IRGQ: variants seen among roughly 807,000 people sequenced by gnomAD.
IRGQ encodes the protein immunity related GTPase Q.
IRGQ carries 5 observed loss-of-function variants against 10.5 expected under a neutral mutation model. The ratio of observed to expected loss-of-function variants is 0.48; its 90% CI spans 0.25 to 1.00. The LOEUF is 1.00. IRGQ is among the 50% of genes least tolerant of loss of function. The probability of loss-of-function intolerance (pLI) is 0.16; values close to 1 mark genes in which losing one functional copy is unlikely to be tolerated. For synonymous variants in IRGQ, 418 were observed against 426.0 expected (o/e 0.98, Z 0.23); for missense variants, 792 against 877.7 (o/e 0.90, Z 1.23).
rs1237159516 is a variant in IRGQ, at chr19:43,589,987, T to G, written c.*2039A>C. 1 of 152,262 alleles carries G rather than the reference T, an allele frequency of 6.6e-6. No individual in the cohort carries two copies. Among genetic ancestry groups the G allele is most frequent in the Non-Finnish European group, 1.5e-5 (1 of 68,136 alleles). The allele number at this position is 152,262 out of a possible 1,614,324, so 9.4% of individuals were successfully genotyped here. On this transcript the variant is annotated 3_prime_UTR_variant, in exon 3 of 3. Coordinates refer to ENST00000422989, the MANE Select transcript of IRGQ (RefSeq NM_001007561.3). Reference sequence around the variant, plus strand: ...GGCATCAGAAAGAGTCAGGCGGCCATGATGGCTCACACCTGTAATCCCAGC... The same window carrying G: ...GGCATCAGAAAGAGTCAGGCGGCCAGGATGGCTCACACCTGTAATCCCAGC...
In IRGQ at chr19:43,594,994, G is replaced by C. The variant is rs1973114512; in HGVS notation, c.345C>G (p.Asn115Lys). 6.2e-7 allele frequency: 1 copy of C among 1,613,708 alleles called. No individual in the cohort carries two copies. Among genetic ancestry groups the C allele is most frequent in the Admixed American group, 1.7e-5 (1 of 60,010 alleles). Residue 115 changes from asparagine (N) to lysine (K), a missense_variant, in exon 2 of 3, where the codon AAC becomes AAG. Coordinates refer to ENST00000422989, the MANE Select transcript of IRGQ (RefSeq NM_001007561.3). ...ARGTPLLAVR[N>K]LRPGDSQTAA... Reference sequence around the variant, plus strand: ...CAGTCTGTGAATCCCCAGGACGGAGGTTCCGCACAGCCAGTAGCGGGGTCC... The same window carrying C: ...CAGTCTGTGAATCCCCAGGACGGAGCTTCCGCACAGCCAGTAGCGGGGTCC...
At chr19:43,594,604 C>T (rs1196235089) in intron 2 of IRGQ, among the ~76,000 whole-genome samples, 3 of 152,072 alleles carry the variant, frequency 2.0e-5, no homozygotes, top group South Asian at 4.2e-4. Flanking sequence ...GAGGCTGAGG[C>T]GGGAGTATTG....
In IRGQ at chr19:43,591,323, C is replaced by A; in HGVS notation, c.*703G>T. ...TCTGAAGCCCAAGAGTTCCAGCTCC[C>A]TGGGGCGCTCAGGTCTCCCTCCCCT... On this transcript the variant is annotated 3_prime_UTR_variant, in exon 3 of 3. Coordinates refer to ENST00000422989, the MANE Select transcript of IRGQ (RefSeq NM_001007561.3). 6.6e-6 allele frequency: 1 copy of A among 152,372 alleles called. No homozygotes were observed. The highest frequency in any genetic ancestry group is 1.5e-5 in the Non-Finnish European group (1 of 68,074). 9.4% of individuals were successfully genotyped at this position (152,372 alleles called of 1,614,324 possible).
In IRGQ at chr19:43,592,323, CG is replaced by C; in HGVS notation, c.1574del (p.Thr525ArgfsTer27). 6.4e-7 allele frequency: 1 copy of C among 1,570,978 alleles called. No individual in the cohort carries two copies. Among genetic ancestry groups the C allele is most frequent in the Non-Finnish European group, 8.6e-7 (1 of 1,166,756 alleles). On this transcript the variant is annotated frameshift_variant, in exon 3 of 3. Transcript: ENST00000422989. LOFTEE classifies it high-confidence loss of function. ...EWRRGLGLEPTALARRERALG... is the reference protein window; with the variant it reads ...EWRRGLGLEPXALARRERALG... ...GGGCACGCTCACGTCGAGCCAGTGC[CG>C]TGGGTTCCAGCCCCAGGCCCCGTCG... is the stretch of plus-strand genomic sequence containing the variant.
rs1254760170 is a variant in IRGQ at position 43,587,997 on chromosome 19, TG to T, written c.*4028del. 6.6e-6 allele frequency: 1 copy of T among 152,204 alleles called. No homozygotes were observed. The highest frequency in any genetic ancestry group is 2.4e-5 in the African/African-American group (1 of 41,444). 9.4% of individuals were successfully genotyped at this position (152,204 alleles called of 1,614,324 possible). On this transcript the variant is annotated 3_prime_UTR_variant, in exon 3 of 3. Coordinates refer to ENST00000422989, the MANE Select transcript of IRGQ (RefSeq NM_001007561.3). The stretch of plus-strand genomic sequence containing the variant: ...AAAACATGTTAAAATGAATTTAACC[TG>T]TTTCCTTTTACTTGTCTAATGTGGC...
Position 43,592,901 on chromosome 19 carries a change from C to T in IRGQ, c.997G>A (p.Gly333Ser), listed in dbSNP as rs1232942419. 2 of 1,613,034 alleles carry T rather than the reference C, an allele frequency of 1.2e-6. No individual in the cohort carries two copies. The highest frequency in any genetic ancestry group is 1.7e-6 in the Non-Finnish European group (2 of 1,180,024). ...DAPLVCVRTD[G>S]EGEDPECLGE... The stretch of plus-strand genomic sequence containing the variant: ...AGACACTCCGGATCCTCGCCCTCGC[C>T]GTCTGTGCGCACGCAGACAAGAGGC... Residue 333 changes from glycine to serine, a missense_variant, in exon 3 of 3, where the codon GGC becomes AGC. Transcript: ENST00000422989.
Position 43,592,170 on chromosome 19 carries a change from A to C in IRGQ, c.1728T>G (p.Ala576=). The part of the protein sequence containing the change: ...EGTAGGAALG[A]LSFLWPAGGA... ...CACCCGCAGGCCACAGGAAGGAGAG[A>C]GCCCCCAGTGCTGCGCCCCCAGCAG... The change falls in exon 3 of 3, where the codon GCT becomes GCG. Residue 576 remains alanine, a synonymous_variant. Transcript: ENST00000422989. 1 of 1,606,694 alleles carries C rather than the reference A, an allele frequency of 6.2e-7. No homozygotes were observed.
chr19:43,592,935 T>C lies in IRGQ; in HGVS notation c.963A>G (p.Leu321=), dbSNP rs1265556241. The change falls in exon 3 of 3, where the codon CTA becomes CTG. Residue 321 remains leucine (L), a synonymous_variant. Coordinates refer to ENST00000422989, the MANE Select transcript of IRGQ (RefSeq NM_001007561.3). ...GCACGCAGACAAGAGGCGCATCTGG[T>C]AGCAGCAAGGCCTGGACCTGGGCCC... ...KDWAQVQALL[L]PDAPLVCVRT... is the part of the protein sequence containing the mutation. 4 of 1,610,894 alleles carry C rather than the reference T, an allele frequency of 2.5e-6. No homozygotes were observed. Among genetic ancestry groups the C allele is most frequent in the Non-Finnish European group, 3.4e-6 (4 of 1,179,978 alleles).
At position 43,592,012 on chromosome 19, in the gene IRGQ, C is replaced by A; in HGVS notation, c.*14G>T. 6.4e-7 allele frequency: 1 copy of A among 1,566,642 alleles called. No homozygotes were observed. Among genetic ancestry groups the A allele is most frequent in the Admixed American group, 1.8e-5 (1 of 55,068 alleles). ...CCCTGTCAGAGTCTGGACTCCCAAG[C>A]CCCCTCCCACTCCTCACTGGGCAGG... On this transcript the variant is annotated 3_prime_UTR_variant, in exon 3 of 3. Transcript: ENST00000422989.
At position 43,585,726 on chromosome 19, in the gene IRGQ, C is replaced by T. The variant is rs942486177; in HGVS notation, c.*6300G>A. ...AACTAAGGCGCTTTACCATCATAAG[C>T]TCCCAATGTTTAAACAGTAAGTCTG... On this transcript the variant is annotated 3_prime_UTR_variant, in exon 3 of 3. Transcript: ENST00000422989. The T allele has an allele frequency of 6.6e-6, 1 of 152,114 alleles. No homozygotes were observed. The highest frequency in any genetic ancestry group is 6.6e-5 in the Admixed American group (1 of 15,254). 9.4% of individuals were successfully genotyped at this position (152,114 alleles called of 1,614,324 possible). A position where few individuals can be genotyped will look rare whatever the true frequency, so the allele number is the denominator to read the frequency against.
At position 43,584,869 on chromosome 19, in the gene IRGQ, C is replaced by A. The variant is rs1972975443; in HGVS notation, c.*7157G>T. ...CTTTCCTTCTTTTTATTTTTTTAGA[C>A]ATTGTCTTGCTCTGTCACCCAGGCT... On this transcript the variant is annotated 3_prime_UTR_variant, in exon 3 of 3. Coordinates refer to ENST00000422989, the MANE Select transcript of IRGQ (RefSeq NM_001007561.3). 6.6e-6 allele frequency: 1 copy of A among 152,164 alleles called. No homozygotes were observed. The highest frequency in any genetic ancestry group is 1.5e-5 in the Non-Finnish European group (1 of 68,086). The allele number at this position is 152,164 out of a possible 1,614,324, so 9.4% of individuals were successfully genotyped here. A position where few individuals can be genotyped will look rare whatever the true frequency, so the allele number is the denominator to read the frequency against.
chr19:43,595,196 C>T lies in IRGQ; in HGVS notation c.143G>A (p.Ser48Asn). Residue 48 changes from serine (S) to asparagine (N), a missense_variant, in exon 2 of 3, where the codon AGC becomes AAC. Physicochemically the swap from Ser to Asn is conservative, Grantham distance 46. Coordinates refer to ENST00000422989, the MANE Select transcript of IRGQ (RefSeq NM_001007561.3). Reference protein sequence around the residue: ...PEGRPDSGVPSLRAAGPGLFL... With the variant: ...PEGRPDSGVPNLRAAGPGLFL... ...AAGGCCTGGGCCCGCAGCTCTTAGG[C>T]TGGGAACCCCGGAGTCCGGCCGTCC... 6.2e-7 allele frequency: 1 copy of T among 1,612,164 alleles called. No homozygotes were observed. Among genetic ancestry groups the T allele is most frequent in the East Asian group, 2.2e-5 (1 of 44,860 alleles).
chr19:43,595,363 G>A (rs1326113470), intron 1 of IRGQ, 23 bp from the exon 2 acceptor site: 1 of 1,516,700 alleles, frequency 6.6e-7, no homozygotes, highest in African/African-American at 1.4e-5. Flanking sequence ...GGGTAGAGAA[G>A]ACCTGGGTCA....
rs1397126316 is a variant in IRGQ at position 43,590,869 on chromosome 19, A to G, written c.*1157T>C. 6.6e-6 allele frequency: 1 copy of G among 152,176 alleles called. No individual in the cohort carries two copies. Among genetic ancestry groups the G allele is most frequent in the Admixed American group, 6.6e-5 (1 of 15,266 alleles). The allele number at this position is 152,176 out of a possible 1,614,324, so 9.4% of individuals were successfully genotyped here. A position where few individuals can be genotyped will look rare whatever the true frequency, so the allele number is the denominator to read the frequency against. On this transcript the variant is annotated 3_prime_UTR_variant, in exon 3 of 3. Transcript: ENST00000422989. Reference sequence around the variant, plus strand: ...CACAGAGGCAGTTGCCGGGATCCCAATACAAGGTTTGGAGGAGCTGTCTCT... The same window carrying G: ...CACAGAGGCAGTTGCCGGGATCCCAGTACAAGGTTTGGAGGAGCTGTCTCT...
chr19:43,595,306 C>A lies in IRGQ; in HGVS notation c.33G>T (p.Leu11Phe), dbSNP rs796368838. ...TCCCCAAGCCCGGAGGCCCCAGGAA[C>A]AAGGCGGTCACGTCACCCTGCGGCG... The part of the protein sequence containing the change: MPPPQGDVTA[L>F]FLGPPGLGKS... The change falls in exon 2 of 3, where the codon TTG (leucine) becomes TTT (phenylalanine). Residue 11 changes from leucine to phenylalanine, a missense_variant. Coordinates refer to ENST00000422989, the MANE Select transcript of IRGQ (RefSeq NM_001007561.3). The A allele has an allele frequency of 2.5e-6, 4 of 1,577,186 alleles. No individual in the cohort carries two copies. Among genetic ancestry groups the A allele is most frequent in the Non-Finnish European group, 3.4e-6 (4 of 1,161,750 alleles).
rs1480884586 is a variant in IRGQ, at chr19:43,587,473, C to A, written c.*4553G>T. ...TGGATATGTGAATCTACTTCTCCAA[C>A]TATGAATTTTATGAAATCAAAATAA... On this transcript the variant is annotated 3_prime_UTR_variant, in exon 3 of 3. Coordinates refer to ENST00000422989, the MANE Select transcript of IRGQ (RefSeq NM_001007561.3). 1 of 152,152 alleles carries A rather than the reference C, an allele frequency of 6.6e-6. No homozygotes were observed. Among genetic ancestry groups the A allele is most frequent in the Non-Finnish European group, 1.5e-5 (1 of 68,038 alleles). 9.4% of individuals were successfully genotyped at this position (152,152 alleles called of 1,614,324 possible).
Position 43,595,173 on chromosome 19 carries a change from G to A in IRGQ, c.166C>T (p.Leu56Phe). 1 of 1,610,090 alleles carries A rather than the reference G, an allele frequency of 6.2e-7. No homozygotes were observed. The highest frequency in any genetic ancestry group is 1.1e-5 in the South Asian group (1 of 90,778). Residue 56 changes from leucine (L) to phenylalanine (F), a missense_variant, in exon 2 of 3, where the codon CTT becomes TTT. By Grantham distance (22) the Leu-to-Phe change is conservative (BLOSUM62 0). Transcript: ENST00000422989. ...VPSLRAAGPG[L>F]FLGELSCPPA... ...GGGCAGCTCAGCTCGCCCAGAAAAA[G>A]GCCTGGGCCCGCAGCTCTTAGGCTG...
At position 43,590,702 on chromosome 19, in the gene IRGQ, A is replaced by C. The variant is rs1304308276; in HGVS notation, c.*1324T>G. On this transcript the variant is annotated 3_prime_UTR_variant, in exon 3 of 3. Coordinates refer to ENST00000422989, the MANE Select transcript of IRGQ (RefSeq NM_001007561.3). ...CAAAACACCAAGGCCATAAAGGGTTATGGTTAAATACCAGGAGAAAAAGGC... is the reference window on the plus strand; with the variant it reads ...CAAAACACCAAGGCCATAAAGGGTTCTGGTTAAATACCAGGAGAAAAAGGC... 1 of 152,266 alleles carries C rather than the reference A, an allele frequency of 6.6e-6. No individual in the cohort carries two copies. The highest frequency in any genetic ancestry group is 2.4e-5 in the African/African-American group (1 of 41,464). 9.4% of individuals were successfully genotyped at this position (152,266 alleles called of 1,614,324 possible). A position where few individuals can be genotyped will look rare whatever the true frequency, so the allele number is the denominator to read the frequency against.
rs574550075 is a variant in IRGQ, at chr19:43,590,729, A to C, written c.*1297T>G. On this transcript the variant is annotated 3_prime_UTR_variant, in exon 3 of 3. Transcript: ENST00000422989. ...GGTTAAATACCAGGAGAAAAAGGCC[A>C]AAAAAAGATAGAAACTCCTAAAGAA... The C allele has an allele frequency of 6.6e-6, 1 of 152,390 alleles. No individual in the cohort carries two copies. Among genetic ancestry groups the C allele is most frequent in the East Asian group, 1.9e-4 (1 of 5,180 alleles). 9.4% of individuals were successfully genotyped at this position (152,390 alleles called of 1,614,324 possible). A position where few individuals can be genotyped will look rare whatever the true frequency, so the allele number is the denominator to read the frequency against.
Sources: allele counts gnomAD v4.1 joint callset (sites outside exome capture counted in the v4.1 genomes callset), GRCh38; gene constraint gnomAD v4.1.1; transcripts MANE v1.5; gene names NCBI Gene and HGNC (gene_info 2026-07-23, HGNC 2026-07-21).